PCDH9: variants seen among roughly 807,000 people sequenced by gnomAD.
PCDH9 encodes protocadherin-9.
A neutral mutation model predicts 70.6 loss-of-function variants in PCDH9; 24 were observed. The observed-to-expected ratio is 0.34, with a 90% CI of 0.25 to 0.48. PCDH9 has a LOEUF of 0.48. Ranked by LOEUF, PCDH9 falls within the 20% of genes least tolerant of loss-of-function variation. The pLI, the probability that PCDH9 is intolerant of heterozygous loss-of-function variation, is 0.99. For synonymous variants in PCDH9, 562 were observed against 558.5 expected, an observed-to-expected ratio of 1.01 and a Z score of -0.09; for missense variants, 1,281 against 1,503.6, an observed-to-expected ratio of 0.85 and a Z score of 2.45.
At chr13:66,519,143 A>G (rs1454866572) in intron 4 of PCDH9, among the ~76,000 whole-genome samples, 1 of 152,160 alleles carries the variant, frequency 6.6e-6, no homozygotes, top group Non-Finnish European at 1.5e-5. Flanking sequence ...TGGGCTGGTT[A>G]TCTCCACTGG....
intron 4 of PCDH9, among the ~76,000 whole-genome samples, chr13:66,540,949 A>G (rs1304404971): frequency 3.9e-5 from 6 of 152,138 alleles, no homozygotes; most frequent in Non-Finnish European, 7.3e-5. Flanking sequence ...TTTGTAATCT[A>G]ATGGAGTTAA....
intron 3 of PCDH9, among the ~76,000 whole-genome samples, chr13:66,677,301 A>G (rs1394976750): frequency 6.6e-6 from 1 of 152,156 alleles, no homozygotes; most frequent in African/African-American, 2.4e-5. Context: ...CTTGTCAACA[A>G]TGTTTTTAAT....
At chr13:66,784,518 G>A (rs1447230030) in intron 3 of PCDH9, among the ~76,000 whole-genome samples, 2 of 152,076 alleles carry the variant, frequency 1.3e-5, no homozygotes, top group Non-Finnish European at 2.9e-5. Flanking sequence ...TTTACGTTTA[G>A]GTAAATAATC....
At chr13:66,620,646 C>G (rs1471721487) in intron 4 of PCDH9, among the ~76,000 whole-genome samples, 1 of 152,000 alleles carries the variant, frequency 6.6e-6, no homozygotes, top group Non-Finnish European at 1.5e-5. Context: ...TTCTAACACA[C>G]TAATTTTATT....
chr13:67,191,493 C>T (rs913597565), intron 2 of PCDH9, among the ~76,000 whole-genome samples: 1 of 152,000 alleles, frequency 6.6e-6, no homozygotes, highest in South Asian at 2.1e-4. Flanking sequence ...TATTTCAACC[C>T]TTTTAAAGGA....
intron 3 of PCDH9, among the ~76,000 whole-genome samples, chr13:66,807,292 A>G (rs2080426024): frequency 6.6e-6 from 1 of 152,156 alleles, no homozygotes; most frequent in Non-Finnish European, 1.5e-5. Context: ...TCCCAAACAT[A>G]TATTATTATC....
At chr13:67,029,729 T>G (rs960257034) in intron 2 of PCDH9, among the ~76,000 whole-genome samples, 1 of 152,190 alleles carries the variant, frequency 6.6e-6, no homozygotes, top group Non-Finnish European at 1.5e-5. Flanking sequence ...CGAGAACATT[T>G]AAACATAAAT....
chr13:67,210,608 C>T (rs2089448776), intron 2 of PCDH9: 1 of 151,598 alleles, frequency 6.6e-6, no homozygotes, highest in African/African-American at 2.4e-5. Context: ...AGCTGTAGTT[C>T]AATTTTTAAT....
chr13:66,753,761 C>T lies in PCDH9; in HGVS notation c.3139-122350G>A, dbSNP rs548474163. ...CAAAACTCAACACTGCTAAATCATT[C>T]TAAAGAAATGATACTATACTTCTTT... is the stretch of plus-strand genomic sequence containing the variant. On this transcript the variant is annotated intron_variant, in intron 3 of 4. Transcript: ENST00000377865. Among the ~76,000 whole-genome samples the T allele has an allele frequency of 6.3e-4, 96 of 152,134 alleles. 1 individual carries two copies. The highest frequency in any genetic ancestry group is 2.7e-3 in the South Asian group (13 of 4,826).
chr13:67,142,232 G>A (rs2087410978), intron 2 of PCDH9, among the ~76,000 whole-genome samples: 1 of 152,072 alleles, frequency 6.6e-6, no homozygotes, highest in South Asian at 2.1e-4. Context: ...GTACAGTTTA[G>A]TAAATTTATA....
In PCDH9 at chr13:66,925,504, C is replaced by G. The variant is rs572321135; in HGVS notation, c.3037-21899G>C. Among the ~76,000 whole-genome samples the G allele has an allele frequency of 8.6e-5, 13 of 151,980 alleles. No individual in the cohort carries two copies. The South Asian group carries it at 2.5e-3, about 29-fold the overall frequency. Reference sequence around the variant, plus strand: ...CTAGAATATAAAAGTGTGTTTTTCTCTGCACATTATCTTAGTTGCATTTCC... The same window carrying G: ...CTAGAATATAAAAGTGTGTTTTTCTGTGCACATTATCTTAGTTGCATTTCC... On this transcript the variant is annotated intron_variant, in intron 2 of 4. Transcript: ENST00000377865.
chr13:66,312,566 G>C (rs1020504963), intron 4 of PCDH9, among the ~76,000 whole-genome samples: 1 of 149,894 alleles, frequency 6.7e-6, no homozygotes, highest in South Asian at 2.1e-4. Flanking sequence ...AGCAGTGATC[G>C]CACCACTGCA....
chr13:66,565,151 C>T lies in PCDH9; in HGVS notation c.3340+66059G>A, dbSNP rs573987211. ...AATTGTAACCTAACACTATTACTAACGCTTAGGTACTTGTATAAGGAATGT... is the reference window on the plus strand; with the variant it reads ...AATTGTAACCTAACACTATTACTAATGCTTAGGTACTTGTATAAGGAATGT... On this transcript the variant is annotated intron_variant, in intron 4 of 4. Coordinates refer to ENST00000377865, the MANE Select transcript of PCDH9 (RefSeq NM_203487.3). 6.6e-5 allele frequency among the ~76,000 whole-genome samples: 10 copies of T among 152,224 alleles called. No individual in the cohort carries two copies. In the South Asian group the frequency reaches 1.2e-3, roughly 19 times the overall value.
At chr13:66,498,783 A>G (rs1361575230) in intron 4 of PCDH9, among the ~76,000 whole-genome samples, 1 of 152,110 alleles carries the variant, frequency 6.6e-6, no homozygotes, top group African/African-American at 2.4e-5. Context: ...TAAAGGACAG[A>G]GAAGTATTTG....
rs538454107 is a variant in PCDH9, at chr13:67,086,514, A to G, written c.3036+138891T>C. On this transcript the variant is annotated intron_variant, in intron 2 of 4. Transcript: ENST00000377865. The stretch of plus-strand genomic sequence containing the variant: ...ACATGATGTTTTACAAAAATAGGTA[A>G]TTGAAAGAGGTAAGTGGCCAATAAA... Among the ~76,000 whole-genome samples the G allele has an allele frequency of 3.0e-4, 45 of 152,278 alleles. 1 individual carries two copies. In the South Asian group the frequency reaches 9.1e-3, roughly 31 times the overall value.
In PCDH9 at chr13:66,421,555, C is replaced by G. The variant is rs571260117; in HGVS notation, c.3341-116527G>C. Among the ~76,000 whole-genome samples the G allele has an allele frequency of 3.3e-5, 5 of 152,202 alleles. No homozygotes were observed. The East Asian group carries it at 9.6e-4, about 29-fold the overall frequency. On this transcript the variant is annotated intron_variant, in intron 4 of 4. Transcript: ENST00000377865. Reference sequence around the variant, plus strand: ...CTTCAACACAGAATTTCATACCCAGCCAAACTAAGATTCATAAGTGAAGGA... The same window carrying G: ...CTTCAACACAGAATTTCATACCCAGGCAAACTAAGATTCATAAGTGAAGGA...
At chr13:66,515,101 C>T (rs9529078) in intron 4 of PCDH9, among the ~76,000 whole-genome samples, 145,646 of 152,082 alleles carry the variant, frequency 0.96, 70,084 homozygotes, top group East Asian at 1. Flanking sequence ...ATAAATAACA[C>T]AGTCACTAAA....
chr13:66,680,519 C>CT (rs1193860283), intron 3 of PCDH9, among the ~76,000 whole-genome samples: 1 of 151,832 alleles, frequency 6.6e-6, no homozygotes, highest in Non-Finnish European at 1.5e-5. Flanking sequence ...CTGTAATTTT[C>CT]TTTTTTTCTA....
intron 4 of PCDH9, among the ~76,000 whole-genome samples, chr13:66,558,571 G>C (rs1258972445): frequency 6.6e-6 from 1 of 151,994 alleles, no homozygotes; most frequent in Non-Finnish European, 1.5e-5. Context: ...CTCTGGCACA[G>C]ACAGAAATTT....
Sources: gnomAD v4.1 joint callset for allele counts (sites outside exome capture counted in the v4.1 genomes callset) on GRCh38, gnomAD v4.1.1 for gene constraint, MANE v1.5 for transcripts, NCBI Gene and HGNC (gene_info 2026-07-23, HGNC 2026-07-21) for gene names.